The following APC variants were observed in gnomAD, a reference collection of about 807,000 sequenced individuals.
The protein encoded by APC is APC regulator of Wnt signaling pathway.
A neutral mutation model predicts 247.0 loss-of-function variants in APC; 72 were observed. That is an observed-to-expected ratio of 0.29 (90% CI 0.24 to 0.35). The LOEUF is 0.35. APC is among the 10% of genes least tolerant of loss of function. The pLI, the probability that APC is intolerant of heterozygous loss-of-function variation, is 1.00. For missense variants in APC, 3,400 were observed against 3,360.7 expected (o/e 1.01, Z -0.29); for synonymous variants, 1,254 against 1,162.5 (o/e 1.08, Z -1.60).
intron 6 of APC, among the ~76,000 whole-genome samples, chr5:112,788,501 A>G (rs1489396061): frequency 6.6e-6 from 1 of 152,282 alleles, no homozygotes; most frequent in African/African-American, 2.4e-5. Flanking sequence ...TGTCAGTACA[A>G]TACAGATAGT....
rs116940753 is a variant in APC at position 112,823,711 on chromosome 5, T to C, written c.1408+1720T>C. Among the ~76,000 whole-genome samples the C allele has an allele frequency of 1.2e-3, 190 of 152,338 alleles. 3 individuals carry two copies. In the East Asian group the frequency reaches 0.03, roughly 24 times the overall value. On this transcript the variant is annotated intron_variant, in intron 11 of 15. Transcript: ENST00000257430. ...ATATATGTTTATTGATTCCCTAATC[T>C]ACCCCAGAAACTGTGCTAGGCACTA...
chr5:112,766,543 A>G (rs1227095737), intron 3 of APC, 133 bp downstream of exon 3: 1 of 636,110 alleles, frequency 1.6e-6, no homozygotes, highest in Non-Finnish European at 2.8e-6. Context: ...CCTTACCCTC[A>G]GGATGTAATT....
chr5:112,768,838 G>GTACAGTAGCGTAGAACACAGTCTTA (rs1580336088), intron 4 of APC, among the ~76,000 whole-genome samples: 1 of 142,662 alleles, frequency 7.0e-6, no homozygotes, highest in Admixed American at 6.8e-5. Context: ...ACACAGTCCT[G>GTACAGTAGCGTAGAACACAGTCTTA]TACAGTAGCG....
intron 1 of APC, among the ~76,000 whole-genome samples, chr5:112,731,916 C>T (rs1752120116): frequency 6.6e-6 from 1 of 152,156 alleles, no homozygotes; most frequent in Non-Finnish European, 1.5e-5. Flanking sequence ...CATGTGCCAC[C>T]TCGCCTGGCT....
At chr5:112,787,097 A>G (rs1004324446) in intron 6 of APC, among the ~76,000 whole-genome samples, 5 of 152,128 alleles carry the variant, frequency 3.3e-5, no homozygotes, top group Non-Finnish European at 5.9e-5. Context: ...TATGTTGCCC[A>G]GTCTGGCCTC....
At chr5:112,779,114 C>T (rs952378471) in intron 5 of APC, among the ~76,000 whole-genome samples, 1 of 152,064 alleles carries the variant, frequency 6.6e-6, no homozygotes, top group Non-Finnish European at 1.5e-5. Flanking sequence ...TCTGAGAGGG[C>T]CCTTAACATG....
chr5:112,716,895 GCTAT>G lies in APC; in HGVS notation c.165+9020_165+9023del, dbSNP rs1225562257. ...TCTTTTACTAGTTATTCTAGAAATT[GCTAT>G]CTATCTTATAAAATCTAATGTTAAT... On this transcript the variant is annotated intron_variant, in intron 1 of 13. Coordinates refer to the APC transcript ENST00000507379. 3.5e-4 allele frequency among the ~76,000 whole-genome samples: 54 copies of G among 152,238 alleles called. 1 individual carries two copies. Among genetic ancestry groups the G allele is most frequent in the Admixed American group, 2.0e-3 (31 of 15,288 alleles).
chr5:112,831,204 G>A (rs1764265053), intron 14 of APC, among the ~76,000 whole-genome samples: 1 of 152,098 alleles, frequency 6.6e-6, no homozygotes, highest in Non-Finnish European at 1.5e-5. Flanking sequence ...CAACTCCCTG[G>A]TTCAAGCGAT....
At chr5:112,831,615 A>T (rs1764310533) in intron 14 of APC, among the ~76,000 whole-genome samples, 1 of 152,108 alleles carries the variant, frequency 6.6e-6, no homozygotes, top group Non-Finnish European at 1.5e-5. Context: ...ACTACCTTCT[A>T]GCTCCCCTGC....
At chr5:112,725,408 A>C (rs1751720828) in intron 1 of APC, among the ~76,000 whole-genome samples, 1 of 152,172 alleles carries the variant, frequency 6.6e-6, no homozygotes. Context: ...TTGAGTGTTC[A>C]AGCAGCATAT....
At chr5:112,833,960 T>A (rs1764582321) in intron 14 of APC, among the ~76,000 whole-genome samples, 1 of 152,080 alleles carries the variant, frequency 6.6e-6, no homozygotes, top group African/African-American at 2.4e-5. Context: ...AAATCTACTT[T>A]CTTTTTTTTT....
intron 1 of APC, among the ~76,000 whole-genome samples, chr5:112,749,864 A>G (rs1481533317): frequency 7.1e-6 from 1 of 141,584 alleles, no homozygotes; most frequent in African/African-American, 2.7e-5. Context: ...AATCTTTAAT[A>G]TGTTTGGAGG....
intron 1 of APC, among the ~76,000 whole-genome samples, chr5:112,731,949 A>C (rs113596714): frequency 0.011 from 1,695 of 152,264 alleles, 22 homozygotes; most frequent in African/African-American, 0.025. Context: ...TTTAGTAGAG[A>C]CAGGGTTTCG....
chr5:112,743,875 G>A (rs1324196953), intron 1 of APC, among the ~76,000 whole-genome samples: 1 of 152,000 alleles, frequency 6.6e-6, no homozygotes, highest in African/African-American at 2.4e-5. Context: ...GACATTTTTT[G>A]GTGTTTTTTT....
chr5:112,731,674 A>G (rs543646879), intron 1 of APC, among the ~76,000 whole-genome samples: 1 of 152,330 alleles, frequency 6.6e-6, no homozygotes, highest in African/African-American at 2.4e-5. Context: ...ATTTTAAAAT[A>G]TCATTGCCTA....
rs773985321 is a variant in APC, at chr5:112,837,671, A to G, written c.2077A>G (p.Lys693Glu). ...TLWNLSARNPKDQEALWDMGA... is the reference protein window; with the variant it reads ...TLWNLSARNPEDQEALWDMGA... ...GTGGAATCTCTCAGCAAGAAATCCT[A>G]AAGACCAGGAAGCATTATGGGACAT... Residue 693 changes from lysine to glutamate, a missense_variant, in exon 16 of 16, where the codon AAA (lysine) becomes GAA (glutamate). Physicochemically the swap from Lys to Glu is moderately conservative, Grantham distance 56 (BLOSUM62 1). Coordinates refer to ENST00000257430, the MANE Select transcript of APC (RefSeq NM_000038.6). The G allele has an allele frequency of 6.2e-7, 1 of 1,614,128 alleles. No homozygotes were observed. The highest frequency in any genetic ancestry group is 1.3e-5 in the African/African-American group (1 of 75,058).
rs1448438653 is a variant in APC at position 112,844,940 on chromosome 5, CTAAA to C, written c.*816_*819del. On this transcript the variant is annotated 3_prime_UTR_variant, in exon 16 of 16. Coordinates refer to ENST00000257430, the MANE Select transcript of APC (RefSeq NM_000038.6). ...GACATGAATTGTGTCTCAACAGAAACTAAATGAACATTTCAGAATAAATTATTGC... is the reference window on the plus strand; with the variant it reads ...GACATGAATTGTGTCTCAACAGAAACTGAACATTTCAGAATAAATTATTGC... 1 of 232,558 alleles carries C rather than the reference CTAAA, an allele frequency of 4.3e-6. No homozygotes were observed. The highest frequency in any genetic ancestry group is 8.5e-6 in the Non-Finnish European group (1 of 117,392). 14.4% of individuals were successfully genotyped at this position (232,558 alleles called of 1,614,324 possible). A position where few individuals can be genotyped will look rare whatever the true frequency, so the allele number is the denominator to read the frequency against.
intron 1 of APC, among the ~76,000 whole-genome samples, chr5:112,739,745 A>T (rs1752776996): frequency 6.6e-6 from 1 of 152,192 alleles, no homozygotes; most frequent in South Asian, 2.1e-4. Flanking sequence ...TCTGATGGAA[A>T]CTATGGCTAG....
chr5:112,833,029 G>GT (rs35025567), intron 14 of APC, among the ~76,000 whole-genome samples: 309 of 146,080 alleles, frequency 2.1e-3, no homozygotes, highest in Non-Finnish European at 2.9e-3. Context: ...TTGGGTTTGG[G>GT]TTTTTTTTTT....
Sources: gnomAD v4.1 joint callset for allele counts (sites outside exome capture counted in the v4.1 genomes callset) on GRCh38, gnomAD v4.1.1 for gene constraint, MANE v1.5 for transcripts, NCBI Gene and HGNC (gene_info 2026-07-23, HGNC 2026-07-21) for gene names.